The following SCAPER variants were observed in gnomAD, a reference collection of about 807,000 sequenced individuals.
SCAPER encodes S-phase cyclin A associated protein in the ER, also known as S phase cyclin A-associated protein in the endoplasmic reticulum.
In SCAPER, 98 loss-of-function variants were observed where a neutral mutation model predicts 182.2. The ratio of observed to expected loss-of-function variants is 0.54; its 90% CI spans 0.46 to 0.64. The LOEUF (loss-of-function observed/expected upper bound fraction) is 0.64, where lower values mean the gene tolerates loss of function less well. Ranked by LOEUF, SCAPER falls within the 30% of genes least tolerant of loss-of-function variation. The pLI is 0.00. For synonymous variants in SCAPER, 605 were observed against 564.6 expected, an observed-to-expected ratio of 1.07 and a Z score of -1.01; for missense variants, 1,432 against 1,690.0, an observed-to-expected ratio of 0.85 and a Z score of 2.68.
rs570763956 is a variant in SCAPER at position 76,444,499 on chromosome 15, TTTG to T, written c.3079-10192_3079-10190del. Among the ~76,000 whole-genome samples the T allele has an allele frequency of 5.4e-3, 828 of 152,328 alleles. 5 individuals are homozygous for T. Among genetic ancestry groups the T allele is most frequent in the South Asian group, 0.023 (110 of 4,826 alleles). On this transcript the variant is annotated intron_variant, in intron 25 of 31. Coordinates refer to ENST00000563290, the MANE Select transcript of SCAPER (RefSeq NM_020843.4). ...AATCTTTCCCATTTTTAAATAAAAT[TTTG>T]TTATTTCAGAACCATTTATGTTTAA...
intron 23 of SCAPER, among the ~76,000 whole-genome samples, chr15:76,569,064 T>G (rs975319388): frequency 6.6e-6 from 1 of 152,098 alleles, no homozygotes; most frequent in African/African-American, 2.4e-5. Flanking sequence ...ATTTATTTAT[T>G]TTTCCACTAG....
chr15:76,459,763 A>G (rs939225670), intron 25 of SCAPER, among the ~76,000 whole-genome samples: 2 of 152,190 alleles, frequency 1.3e-5, no homozygotes, highest in Non-Finnish European at 2.9e-5. Context: ...AATGTCCAGC[A>G]GAGTTTCCCT....
intron 25 of SCAPER, among the ~76,000 whole-genome samples, chr15:76,462,859 T>A (rs2049300517): frequency 6.6e-6 from 1 of 152,112 alleles, no homozygotes; most frequent in African/African-American, 2.4e-5. Context: ...GGGCAGTCCG[T>A]TAAGTAAAAT....
At chr15:76,702,360 T>A (rs1336846854) in intron 19 of SCAPER, among the ~76,000 whole-genome samples, 1 of 152,202 alleles carries the variant, frequency 6.6e-6, no homozygotes, top group Non-Finnish European at 1.5e-5. Context: ...TTGAGCACTT[T>A]TACTGCTATT....
In SCAPER at chr15:76,771,158, T is replaced by A. The variant is rs141365195; in HGVS notation, c.1248+584A>T. On this transcript the variant is annotated intron_variant, in intron 10 of 31. Transcript: ENST00000563290. Reference sequence around the variant, plus strand: ...TAGTTTTTAAACAAAGTTAGCATGATTTATTCTGGATTATCCCCAGGTCAA... The same window carrying A: ...TAGTTTTTAAACAAAGTTAGCATGAATTATTCTGGATTATCCCCAGGTCAA... Among the ~76,000 whole-genome samples the A allele has an allele frequency of 6.4e-4, 98 of 152,234 alleles. 1 individual carries two copies. The East Asian group carries it at 0.017, about 26-fold the overall frequency.
At chr15:76,375,235 A>G (rs921762927) in intron 29 of SCAPER, among the ~76,000 whole-genome samples, 26 of 151,648 alleles carry the variant, frequency 1.7e-4, no homozygotes, top group Middle Eastern at 3.4e-3. Flanking sequence ...AAAAAAAAAA[A>G]AGCAGAAACC....
intron 20 of SCAPER, among the ~76,000 whole-genome samples, chr15:76,678,164 A>C (rs1450960568): frequency 6.6e-6 from 1 of 152,114 alleles, no homozygotes; most frequent in African/African-American, 2.4e-5. Context: ...GCTTAATTAC[A>C]GTAATACAAA....
At chr15:76,397,330 GC>G (rs1170431827) in intron 27 of SCAPER, among the ~76,000 whole-genome samples, 2 of 151,926 alleles carry the variant, frequency 1.3e-5, no homozygotes, top group Non-Finnish European at 2.9e-5. Flanking sequence ...ATAAATACTG[GC>G]CTTGTAGAAA....
chr15:76,450,728 T>C (rs972938830), intron 25 of SCAPER, among the ~76,000 whole-genome samples: 1 of 152,114 alleles, frequency 6.6e-6, no homozygotes, highest in Non-Finnish European at 1.5e-5. Context: ...TAATTTTTTG[T>C]ATTTTTAGTA....
chr15:76,855,473 A>AAAAAAAAAAAAAC (rs2071257432), intron 4 of SCAPER, among the ~76,000 whole-genome samples: 1 of 134,484 alleles, frequency 7.4e-6, no homozygotes, highest in African/African-American at 2.5e-5. Flanking sequence ...AAAAAAAAAA[A>AAAAAAAAAAAAAC]AAAAAGTAAA....
At chr15:76,384,739 C>T (rs2043183274) in intron 27 of SCAPER, among the ~76,000 whole-genome samples, 1 of 152,186 alleles carries the variant, frequency 6.6e-6, no homozygotes, top group Non-Finnish European at 1.5e-5. Flanking sequence ...TTGACTGTCC[C>T]ATTTGGCTTC....
chr15:76,632,474 T>C (rs2053202699), intron 21 of SCAPER, among the ~76,000 whole-genome samples: 1 of 152,136 alleles, frequency 6.6e-6, no homozygotes, highest in Non-Finnish European at 1.5e-5. Flanking sequence ...ATTACAGGCA[T>C]GAGCCACTAC....
At position 76,728,689 on chromosome 15, in the gene SCAPER, A is replaced by G. The variant is rs780156593; in HGVS notation, c.2071T>C (p.Leu691=). 1 of 1,613,366 alleles carries G rather than the reference A, an allele frequency of 6.2e-7. No individual in the cohort carries two copies. The highest frequency in any genetic ancestry group is 1.7e-5 in the Admixed American group (1 of 59,886). The change falls in exon 17 of 32, where the codon TTG becomes CTG. Residue 691 remains leucine, a synonymous_variant. Coordinates refer to ENST00000563290, the MANE Select transcript of SCAPER (RefSeq NM_020843.4). Reference sequence around the variant, plus strand: ...TCTTGTTCTTTCCTCTTCATTAACAATTCTTCTACACGGGCCTGCCGCTCT... The same window carrying G: ...TCTTGTTCTTTCCTCTTCATTAACAGTTCTTCTACACGGGCCTGCCGCTCT... ...EAERQARVEE[L]LMKRKEQEAR...
chr15:76,374,631 G>A (rs936146981), intron 29 of SCAPER, among the ~76,000 whole-genome samples: 1 of 151,496 alleles, frequency 6.6e-6, no homozygotes, highest in East Asian at 2.0e-4. Context: ...ACAGGCATGC[G>A]CCACCATGCC....
Position 76,621,804 on chromosome 15 carries a change from C to T in SCAPER, c.2671G>A (p.Glu891Lys). The T allele has an allele frequency of 6.2e-7, 1 of 1,607,264 alleles. No homozygotes were observed. The highest frequency in any genetic ancestry group is 8.5e-7 in the Non-Finnish European group (1 of 1,176,774). The part of the protein sequence containing the change: ...FRAKEYESLM[E>K]TKNSGSDSPY... ...GAATCAGAGCCAGAATTTTTGGTTT[C>T]CATTAAACTCTCATATTCCTTAGCC... Residue 891 changes from glutamate to lysine, a missense_variant, in exon 22 of 32, where the codon GAA (glutamate) becomes AAA (lysine). This residue lies in a region of SCAPER where 718 missense variants were observed against 799.7 expected (regional missense o/e 0.90). Coordinates refer to ENST00000563290, the MANE Select transcript of SCAPER (RefSeq NM_020843.4).
intron 26 of SCAPER, among the ~76,000 whole-genome samples, chr15:76,410,767 G>A (rs906205701): frequency 2.6e-5 from 4 of 151,356 alleles, no homozygotes; most frequent in Admixed American, 6.6e-5. Flanking sequence ...CTTCAGTTTA[G>A]AAGTGTTCTA....
At chr15:76,839,269 T>C (rs538644472) in intron 5 of SCAPER, among the ~76,000 whole-genome samples, 1 of 152,344 alleles carries the variant, frequency 6.6e-6, no homozygotes, top group East Asian at 1.9e-4. Flanking sequence ...CTGTGATTAT[T>C]TTAACTAAGG....
intron 24 of SCAPER, among the ~76,000 whole-genome samples, chr15:76,480,939 G>C (rs910592939): frequency 2.0e-5 from 3 of 152,072 alleles, no homozygotes; most frequent in Non-Finnish European, 4.4e-5. Flanking sequence ...CACCGTGTTA[G>C]CCAGGATGGT....
At chr15:76,396,903 A>G (rs2044098679) in intron 27 of SCAPER, among the ~76,000 whole-genome samples, 1 of 152,038 alleles carries the variant, frequency 6.6e-6, no homozygotes, top group South Asian at 2.1e-4. Context: ...CTTAGAGGAA[A>G]GGCTTTCCAT....
Sources: gnomAD v4.1 joint callset for allele counts (sites outside exome capture counted in the v4.1 genomes callset) on GRCh38, gnomAD v4.1.1 for gene constraint, gnomAD v4.1.1 regional missense constraint, MANE v1.5 for transcripts, NCBI Gene and HGNC (gene_info 2026-07-23, HGNC 2026-07-21) for gene names.